The following MRPL14 variants were observed in gnomAD, a reference collection of about 807,000 sequenced individuals.
MRPL14 encodes large ribosomal subunit protein uL14m.
In MRPL14, 8 loss-of-function variants were observed where a neutral mutation model predicts 10.9. The ratio of observed to expected loss-of-function variants is 0.74; its 90% CI spans 0.43 to 1.33. The LOEUF (loss-of-function observed/expected upper bound fraction) is 1.33. MRPL14 is among the 40% of genes most tolerant of loss of function. The pLI is 0.01. For synonymous variants in MRPL14, 82 were observed against 74.1 expected (o/e 1.11, Z -0.54); for missense variants, 179 against 194.5 (o/e 0.92, Z 0.47).
chr6:44,121,832 G>A (rs1233203252), intron 1 of MRPL14, among the ~76,000 whole-genome samples: 1 of 151,988 alleles, frequency 6.6e-6, no homozygotes, highest in East Asian at 2.0e-4. Flanking sequence ...CCCAGCTACA[G>A]CCCGGCTGAG....
intron 2 of MRPL14, among the ~76,000 whole-genome samples, chr6:44,115,275 A>G (rs751290639): frequency 6.6e-6 from 1 of 151,892 alleles, no homozygotes; most frequent in African/African-American, 2.4e-5. Context: ...TCTCTTCTAT[A>G]TTCTAGTTCT....
chr6:44,123,869 T>A (rs1277288473), intron 1 of MRPL14, among the ~76,000 whole-genome samples: 1 of 151,594 alleles, frequency 6.6e-6, no homozygotes, highest in Non-Finnish European at 1.5e-5. Context: ...AGACCCTGCC[T>A]CAAAAAAAAA....
At chr6:44,117,317 A>C (rs1470483426) in intron 1 of MRPL14, among the ~76,000 whole-genome samples, 1 of 152,236 alleles carries the variant, frequency 6.6e-6, no homozygotes, top group Non-Finnish European at 1.5e-5. Flanking sequence ...AAGAGCAAAC[A>C]CCAACCCAAG....
At chr6:44,123,174 T>C (rs775788072) in intron 1 of MRPL14, among the ~76,000 whole-genome samples, 17 of 152,160 alleles carry the variant, frequency 1.1e-4, no homozygotes, top group Non-Finnish European at 2.4e-4. Flanking sequence ...CTGCTAAGGA[T>C]TTTAAATAGT....
At chr6:44,118,116 A>T (rs138923845) in intron 1 of MRPL14, among the ~76,000 whole-genome samples, 1 of 152,206 alleles carries the variant, frequency 6.6e-6, no homozygotes, top group African/African-American at 2.4e-5. Context: ...ATGCAAAAGA[A>T]GGCAGCTAAT....
At chr6:44,117,698 C>T (rs1346937958) in intron 1 of MRPL14, among the ~76,000 whole-genome samples, 3 of 152,090 alleles carry the variant, frequency 2.0e-5, no homozygotes, top group Non-Finnish European at 4.4e-5. Flanking sequence ...AAGTCTTGCT[C>T]TGTCACCCAT....
chr6:44,125,298 T>C (rs933931201), intron 1 of MRPL14, among the ~76,000 whole-genome samples: 1 of 152,162 alleles, frequency 6.6e-6, no homozygotes, highest in African/African-American at 2.4e-5. Context: ...CAGGCAGAAA[T>C]AGTTCAGGAA....
At position 44,114,104 on chromosome 6, in the gene MRPL14, A is replaced by G; in HGVS notation, c.177T>C (p.His59=). ...TGCCCACTCCATTCTTCTTATAGAC[A>G]TGGATGCAGCGAGGAGCCCGATGGT... ...SPYHRAPRCI[H]VYKKNGVGKV... is the part of the protein sequence containing the mutation. The change falls in exon 3 of 3, where the codon CAT becomes CAC. Residue 59 remains histidine (H), a synonymous_variant. Coordinates refer to ENST00000372014, the MANE Select transcript of MRPL14 (RefSeq NM_032111.4). The G allele has an allele frequency of 6.2e-7, 1 of 1,614,146 alleles. No homozygotes were observed. Among genetic ancestry groups the G allele is most frequent in the East Asian group, 2.2e-5 (1 of 44,888 alleles).
At chr6:44,116,397 C>A in intron 2 of MRPL14, 144 bp downstream of exon 2, 1 of 770,054 alleles carries the variant, frequency 1.3e-6, no homozygotes, top group South Asian at 1.6e-5. Flanking sequence ...CCAACCAGGC[C>A]AGCTCAGCCT....
intron 2 of MRPL14, among the ~76,000 whole-genome samples, chr6:44,115,188 C>T (rs925979231): frequency 1.1e-5 from 1 of 91,666 alleles, no homozygotes; most frequent in Non-Finnish European, 2.0e-5. Context: ...CCTCTTCTCT[C>T]GTTTTTTATG....
chr6:44,127,417 TC>T lies in MRPL14; in HGVS notation c.-93del, dbSNP rs996259982. On this transcript the variant is annotated 5_prime_UTR_variant, in exon 1 of 3. Coordinates refer to ENST00000372014, the MANE Select transcript of MRPL14 (RefSeq NM_032111.4). ...GCCGCCTTCGCCCCACGCGGCCTCTTCCTAGCGCCTGCGCGCCAGGCCCAGC... is the reference window on the plus strand; with the variant it reads ...GCCGCCTTCGCCCCACGCGGCCTCTTCTAGCGCCTGCGCGCCAGGCCCAGC... 8.6e-5 allele frequency: 13 copies of T among 151,924 alleles called. No individual in the cohort carries two copies. Among genetic ancestry groups the T allele is most frequent in the South Asian group, 4.1e-4 (2 of 4,826 alleles). 9.4% of individuals were successfully genotyped at this position (151,924 alleles called of 1,614,324 possible). A position where few individuals can be genotyped will look rare whatever the true frequency, so the allele number is the denominator to read the frequency against.
chr6:44,119,641 T>C (rs1418541616), intron 1 of MRPL14, among the ~76,000 whole-genome samples: 1 of 152,172 alleles, frequency 6.6e-6, no homozygotes, highest in African/African-American at 2.4e-5. Context: ...TCACTTTAAG[T>C]TTTGAAGACA....
At chr6:44,126,129 A>G (rs1158761599) in intron 1 of MRPL14, among the ~76,000 whole-genome samples, 1 of 152,222 alleles carries the variant, frequency 6.6e-6, no homozygotes, top group Non-Finnish European at 1.5e-5. Context: ...AACTCAGGCA[A>G]AGAAAGGCAA....
At chr6:44,117,840 G>GGTTT (rs1250385139) in intron 1 of MRPL14, among the ~76,000 whole-genome samples, 86 of 75,370 alleles carry the variant, frequency 1.1e-3, no homozygotes, top group African/African-American at 4.0e-3. Context: ...AATTTTTTGT[G>GGTTT]TTTTTTTTTT....
chr6:44,114,810 C>T (rs1238197444), intron 2 of MRPL14, among the ~76,000 whole-genome samples: 3 of 152,122 alleles, frequency 2.0e-5, no homozygotes, highest in African/African-American at 4.8e-5. Context: ...AGGGTTTCAC[C>T]GTGTTAGCCA....
At chr6:44,121,165 C>T (rs963235741) in intron 1 of MRPL14, among the ~76,000 whole-genome samples, 2 of 152,118 alleles carry the variant, frequency 1.3e-5, no homozygotes, top group African/African-American at 4.8e-5. Flanking sequence ...CAATGTCACT[C>T]TGGATCTTGT....
intron 1 of MRPL14, among the ~76,000 whole-genome samples, chr6:44,124,544 T>C (rs1776748594): frequency 6.6e-6 from 1 of 152,226 alleles, no homozygotes; most frequent in Non-Finnish European, 1.5e-5. Flanking sequence ...TTTAAGATCA[T>C]AGCCCTGAAA....
At position 44,113,833 on chromosome 6, in the gene MRPL14, T is replaced by A; in HGVS notation, c.*10A>T. The A allele has an allele frequency of 6.5e-7, 1 of 1,539,676 alleles. No homozygotes were observed. The highest frequency in any genetic ancestry group is 1.4e-5 in the African/African-American group (1 of 72,812). ...TTCACGAGTCCTGCAACCAGAGGCC[T>A]GGGCTCAACTCACACAAAGTTCTGA... On this transcript the variant is annotated 3_prime_UTR_variant, in exon 3 of 3. Coordinates refer to ENST00000372014, the MANE Select transcript of MRPL14 (RefSeq NM_032111.4).
intron 1 of MRPL14, among the ~76,000 whole-genome samples, chr6:44,124,585 T>C (rs998269645): frequency 6.6e-6 from 1 of 152,220 alleles, no homozygotes; most frequent in African/African-American, 2.4e-5. Context: ...ACATGGTAAA[T>C]TACTTCCTCT....
Sources: gnomAD v4.1 joint callset for allele counts (sites outside exome capture counted in the v4.1 genomes callset) on GRCh38, gnomAD v4.1.1 for gene constraint, MANE v1.5 for transcripts, NCBI Gene and HGNC (gene_info 2026-07-23, HGNC 2026-07-21) for gene names.